Variants in TRPM3 observed in about 807,000 individuals in gnomAD.
TRPM3 encodes long transient receptor potential channel 3.
Under a neutral mutation model 181.2 loss-of-function variants are expected in TRPM3, and 77 were observed. That is an observed-to-expected ratio of 0.42 (90% confidence interval 0.35 to 0.51). The LOEUF (loss-of-function observed/expected upper bound fraction) is 0.51. TRPM3 is among the 20% of genes least tolerant of loss of function. The probability of loss-of-function intolerance (pLI) is 0.01; values close to 1 mark genes in which losing one functional copy is unlikely to be tolerated. For synonymous variants in TRPM3, 745 were observed against 796.4 expected, an observed-to-expected ratio of 0.94 and a Z score of 1.09; for missense variants, 1,759 against 2,196.7, an observed-to-expected ratio of 0.80 and a Z score of 3.98.
At chr9:71,261,419 G>T (rs930089379) in intron 1 of TRPM3, among the ~76,000 whole-genome samples, 5 of 152,102 alleles carry the variant, frequency 3.3e-5, no homozygotes, top group Admixed American at 2.0e-4. Context: ...CTTTTATCAA[G>T]GTTCTTAGCT....
chr9:71,265,034 T>C (rs187116612), intron 1 of TRPM3, among the ~76,000 whole-genome samples: 1 of 152,328 alleles, frequency 6.6e-6, no homozygotes, highest in East Asian at 1.9e-4. Flanking sequence ...CAAAGAAAGA[T>C]ATCTTTATAA....
chr9:71,146,434 T>A (rs1282024759), intron 1 of TRPM3, among the ~76,000 whole-genome samples: 1 of 152,148 alleles, frequency 6.6e-6, no homozygotes, highest in Non-Finnish European at 1.5e-5. Context: ...AGCCATTAAC[T>A]TGAGATTCTG....
intron 1 of TRPM3, among the ~76,000 whole-genome samples, chr9:71,075,890 T>TA (rs1700683963): frequency 6.6e-6 from 1 of 152,182 alleles, no homozygotes; most frequent in Admixed American, 6.6e-5. Flanking sequence ...AGAAACATGG[T>TA]AACTTGTTCC....
At position 70,535,723 on chromosome 9, in the gene TRPM3, C is replaced by T; in HGVS notation, c.*230G>A. On this transcript the variant is annotated 3_prime_UTR_variant, in exon 26 of 26. Coordinates refer to ENST00000677713, the MANE Select transcript of TRPM3 (RefSeq NM_001366145.2). The stretch of plus-strand genomic sequence containing the variant: ...TCTCCCTCTCTTCCCCCTCCCTGCC[C>T]AGCAAGTGTGAACATGCCTTAAATC... 7.0e-7 allele frequency: 1 copy of T among 1,438,746 alleles called. No homozygotes were observed. Among genetic ancestry groups the T allele is most frequent in the Non-Finnish European group, 9.1e-7 (1 of 1,103,274 alleles). 89.1% of individuals were successfully genotyped at this position (1,438,746 alleles called of 1,614,324 possible). A position where few individuals can be genotyped will look rare whatever the true frequency, so the allele number is the denominator to read the frequency against.
At chr9:71,043,169 G>A (rs146215335) in intron 1 of TRPM3, among the ~76,000 whole-genome samples, 193 of 152,268 alleles carry the variant, frequency 1.3e-3, no homozygotes, top group Non-Finnish European at 2.5e-3. Context: ...AGGCTAAAAG[G>A]CTGTCTGACA....
chr9:71,025,986 T>C (rs1004173865), intron 1 of TRPM3, among the ~76,000 whole-genome samples: 1 of 152,208 alleles, frequency 6.6e-6, no homozygotes, highest in Admixed American at 6.5e-5. Flanking sequence ...AGGAGCAACC[T>C]GCTCTTACCA....
intron 8 of TRPM3, among the ~76,000 whole-genome samples, chr9:70,748,536 TA>T (rs2075577832): frequency 6.6e-6 from 1 of 152,176 alleles, no homozygotes. Context: ...ACCAAGATGA[TA>T]GTATTAGGAG....
chr9:71,010,110 C>T (rs1322643276), intron 1 of TRPM3, among the ~76,000 whole-genome samples: 1 of 152,004 alleles, frequency 6.6e-6, no homozygotes, highest in Admixed American at 6.6e-5. Flanking sequence ...AAATAAAAGA[C>T]CTGAAACTAG....
intron 1 of TRPM3, among the ~76,000 whole-genome samples, chr9:71,114,050 T>C (rs774543912): frequency 2.0e-5 from 3 of 152,218 alleles, no homozygotes; most frequent in Non-Finnish European, 4.4e-5. Context: ...GATAAAACTT[T>C]CTTCATGTAA....
At chr9:71,182,756 G>C (rs569648139) in intron 1 of TRPM3, among the ~76,000 whole-genome samples, 1 of 152,212 alleles carries the variant, frequency 6.6e-6, no homozygotes, top group Admixed American at 6.6e-5. Flanking sequence ...CCAACGCCGT[G>C]GTTCAAGGGA....
At chr9:70,570,343 T>C (rs930174539) in intron 22 of TRPM3, among the ~76,000 whole-genome samples, 1 of 148,896 alleles carries the variant, frequency 6.7e-6, no homozygotes, top group Non-Finnish European at 1.5e-5. Flanking sequence ...GATTCTCGCT[T>C]TGTCTCCCAG....
In TRPM3 at chr9:70,766,127, C is replaced by T. The variant is rs182363178; in HGVS notation, c.1149-4403G>A. On this transcript the variant is annotated intron_variant, in intron 7 of 25. Coordinates refer to ENST00000677713, the MANE Select transcript of TRPM3 (RefSeq NM_001366145.2). ...CTCTATACTATGGCATTTGTGTCTC[C>T]ATTTAAATGCTGTACTTATGATCTG... is the stretch of plus-strand genomic sequence containing the variant. Among the ~76,000 whole-genome samples, 6 of 152,172 alleles carry T rather than the reference C, an allele frequency of 3.9e-5. No individual in the cohort carries two copies. The East Asian group carries it at 1.2e-3, about 29-fold the overall frequency.
chr9:70,787,763 C>CTTTTTTTTTTTTTTTTTTTGG (rs2084049973), intron 6 of TRPM3, among the ~76,000 whole-genome samples: 1 of 68,558 alleles, frequency 1.5e-5, no homozygotes, highest in African/African-American at 5.8e-5. Flanking sequence ...TTTTTGGATT[C>CTTTTTTTTTTTTTTTTTTTGG]TTTTTTTTTT....
At chr9:70,888,160 C>T (rs138254721) in intron 1 of TRPM3, among the ~76,000 whole-genome samples, 18 of 152,276 alleles carry the variant, frequency 1.2e-4, no homozygotes, top group Admixed American at 5.2e-4. Context: ...CTAGATTTGG[C>T]TATCCCCAAG....
chr9:70,991,504 T>G (rs2097484205), intron 1 of TRPM3, among the ~76,000 whole-genome samples: 1 of 151,994 alleles, frequency 6.6e-6, no homozygotes, highest in Admixed American at 6.6e-5. Context: ...TTTTAGGAAC[T>G]TGATAGCTGG....
intron 22 of TRPM3, among the ~76,000 whole-genome samples, chr9:70,584,788 T>C (rs2056760186): frequency 6.6e-6 from 1 of 152,224 alleles, no homozygotes; most frequent in African/African-American, 2.4e-5. Flanking sequence ...TCACAATGTA[T>C]AACTTCAAAA....
intron 1 of TRPM3, among the ~76,000 whole-genome samples, chr9:71,032,037 TA>T (rs1565023373): frequency 8.0e-3 from 8 of 1,000 alleles, no homozygotes; most frequent in Middle Eastern, 0.5. Context: ...AATATAAATA[TA>T]TATATATATA....
chr9:71,411,912 G>A (rs1333498532), intron 1 of TRPM3, among the ~76,000 whole-genome samples: 3 of 152,084 alleles, frequency 2.0e-5, no homozygotes, highest in South Asian at 2.1e-4. Context: ...ATAGACCAAC[G>A]GAACAGAACA....
At chr9:70,859,170 A>C (rs1308615401) in intron 3 of TRPM3, among the ~76,000 whole-genome samples, 1 of 152,146 alleles carries the variant, frequency 6.6e-6, no homozygotes, top group Non-Finnish European at 1.5e-5. Context: ...CTGTCCCTGC[A>C]AGGACCCTAC....
Sources: gnomAD v4.1 joint callset for allele counts (sites outside exome capture counted in the v4.1 genomes callset) on GRCh38, gnomAD v4.1.1 for gene constraint, MANE v1.5 for transcripts, NCBI Gene and HGNC (gene_info 2026-07-23, HGNC 2026-07-21) for gene names.